PRICKLE1: variants seen among roughly 807,000 people sequenced by gnomAD.
PRICKLE1 encodes the protein prickle planar cell polarity protein 1.
A neutral mutation model predicts 70.2 loss-of-function variants in PRICKLE1; 14 were observed. That is an observed-to-expected ratio of 0.20 (90% CI 0.13 to 0.31). PRICKLE1 has a LOEUF of 0.31. PRICKLE1 is among the 10% of genes least tolerant of loss of function. PRICKLE1 has a pLI of 1.00. For missense variants in PRICKLE1, 821 were observed against 1,026.2 expected (o/e 0.80, Z 2.73); for synonymous variants, 357 against 379.9 (o/e 0.94, Z 0.70).
At chr12:42,561,985 C>T (rs1217939109) in intron 1 of PRICKLE1, among the ~76,000 whole-genome samples, 3 of 144,770 alleles carry the variant, frequency 2.1e-5, no homozygotes, top group Non-Finnish European at 4.5e-5. Flanking sequence ...GATCTCGGCT[C>T]ACTGAAATCT....
chr12:42,477,724 C>T (rs945551288), intron 1 of PRICKLE1, among the ~76,000 whole-genome samples: 12 of 151,570 alleles, frequency 7.9e-5, no homozygotes, highest in Non-Finnish European at 1.5e-5. Context: ...CATATGAGAC[C>T]ACAGGTAAAT....
chr12:42,574,349 T>C (rs1456388274), intron 1 of PRICKLE1, among the ~76,000 whole-genome samples: 1 of 152,182 alleles, frequency 6.6e-6, no homozygotes, highest in Non-Finnish European at 1.5e-5. Flanking sequence ...GAGAAAAGCA[T>C]TCAGCAACAA....
intron 1 of PRICKLE1, chr12:42,550,107 C>T (rs1434165916): frequency 6.6e-6 from 1 of 152,360 alleles, no homozygotes; most frequent in Non-Finnish European, 1.5e-5. Flanking sequence ...ACATTGCAAG[C>T]CCCTTGAAAT....
At chr12:42,468,952 G>T in intron 4 of PRICKLE1, 123 bp from the exon 5 acceptor site, 2 of 892,896 alleles carry the variant, frequency 2.2e-6, no homozygotes, top group Non-Finnish European at 3.6e-6. Context: ...ACCTCTTTTA[G>T]TGATTAAATA....
chr12:42,506,836 G>A (rs1939429470), intron 1 of PRICKLE1, among the ~76,000 whole-genome samples: 1 of 152,002 alleles, frequency 6.6e-6, no homozygotes, highest in Non-Finnish European at 1.5e-5. Flanking sequence ...CTCCTAAAGT[G>A]TTGGGATTAC....
At chr12:42,528,780 A>C (rs1016179933) in intron 1 of PRICKLE1, among the ~76,000 whole-genome samples, 3 of 152,230 alleles carry the variant, frequency 2.0e-5, no homozygotes, top group African/African-American at 7.2e-5. Context: ...GACTGAATGA[A>C]ATAAAGAAAA....
chr12:42,526,754 A>C lies in PRICKLE1; in HGVS notation c.-48-54190T>G, dbSNP rs557472504. On this transcript the variant is annotated intron_variant, in intron 1 of 7. Transcript: ENST00000345127. ...CCCCTTAAAAACACTCCTCTAAGCC[A>C]AAAAAAAAAAAAAAATGCTTAGAGG... is the stretch of plus-strand genomic sequence containing the variant. 3.8e-3 allele frequency among the ~76,000 whole-genome samples: 85 copies of C among 22,212 alleles called. No homozygotes were observed. In the East Asian group the frequency reaches 0.13, roughly 35 times the overall value. 14.6% of individuals were successfully genotyped at this position (22,212 alleles called of 152,430 possible).
chr12:42,580,075 A>T (rs1940873753), intron 1 of PRICKLE1, among the ~76,000 whole-genome samples: 1 of 151,982 alleles, frequency 6.6e-6, no homozygotes, highest in South Asian at 2.1e-4. Flanking sequence ...GGGTTTCACC[A>T]TGTTGGCCAG....
intron 1 of PRICKLE1, among the ~76,000 whole-genome samples, chr12:42,562,768 G>GA (rs922595629): frequency 4.6e-5 from 7 of 151,936 alleles, no homozygotes; most frequent in Non-Finnish European, 7.4e-5. Context: ...AGAAGGAAAA[G>GA]AAAAAAATTG....
chr12:42,547,284 G>A (rs984163930), intron 1 of PRICKLE1, among the ~76,000 whole-genome samples: 1 of 152,166 alleles, frequency 6.6e-6, no homozygotes, highest in East Asian at 1.9e-4. Flanking sequence ...ACAAAGGTTT[G>A]GGAGACAGAC....
At position 42,464,496 on chromosome 12, in the gene PRICKLE1, T is replaced by C; in HGVS notation, c.1538A>G (p.Glu513Gly). 1 of 1,614,074 alleles carries C rather than the reference T, an allele frequency of 6.2e-7. No individual in the cohort carries two copies. The highest frequency in any genetic ancestry group is 8.5e-7 in the Non-Finnish European group (1 of 1,180,032). ...CAGGGAATCTTCATACCACTGTGTTTCATCATGATTATACCCTGAAGCCCC... is the reference window on the plus strand; with the variant it reads ...CAGGGAATCTTCATACCACTGTGTTCCATCATGATTATACCCTGAAGCCCC... ...DHGASGYNHD[E>G]TQWYEDSLEC... Residue 513 changes from glutamate to glycine, a missense_variant, in exon 7 of 8, where the codon GAA becomes GGA. Transcript: ENST00000345127. This position sits in a 1 kb window ranked among gnomAD's most constrained non-coding sequence, Gnocchi z 4.2.
At chr12:42,548,902 G>A (rs1299147927) in intron 1 of PRICKLE1, among the ~76,000 whole-genome samples, 5 of 152,082 alleles carry the variant, frequency 3.3e-5, no homozygotes, top group African/African-American at 1.2e-4. Context: ...AGGTGGATCA[G>A]TTGAGGCCAG....
chr12:42,471,637 T>A (rs1938327088), intron 2 of PRICKLE1, among the ~76,000 whole-genome samples: 1 of 152,152 alleles, frequency 6.6e-6, no homozygotes, highest in East Asian at 1.9e-4. Context: ...CGTCCCACCC[T>A]ACAGGAAACA....
intron 1 of PRICKLE1, among the ~76,000 whole-genome samples, chr12:42,588,221 A>C (rs1941014923): frequency 6.6e-6 from 1 of 152,248 alleles, no homozygotes; most frequent in East Asian, 1.9e-4. Flanking sequence ...CTGTCTGAAA[A>C]GACAGATGGA....
intron 1 of PRICKLE1, among the ~76,000 whole-genome samples, chr12:42,557,399 C>T (rs897642836): frequency 1.8e-4 from 27 of 152,186 alleles, no homozygotes; most frequent in African/African-American, 9.6e-5. Context: ...TTTGGGAAAA[C>T]GCATTTCACA....
chr12:42,491,921 C>G (rs928024843), intron 1 of PRICKLE1, among the ~76,000 whole-genome samples: 1 of 151,334 alleles, frequency 6.6e-6, no homozygotes, highest in African/African-American at 2.4e-5. Flanking sequence ...GCAGCTGGGA[C>G]TACATGTGCC....
chr12:42,522,641 C>T (rs1796372), intron 1 of PRICKLE1, among the ~76,000 whole-genome samples: 139,779 of 152,284 alleles, frequency 0.92, 64,253 homozygotes, highest in East Asian at 1. Flanking sequence ...GTCACATTAA[C>T]GTACTTTTCC....
intron 1 of PRICKLE1, among the ~76,000 whole-genome samples, chr12:42,544,479 T>A (rs1457874308): frequency 6.6e-6 from 1 of 152,116 alleles, no homozygotes; most frequent in African/African-American, 2.4e-5. Context: ...TGAGGCAAAA[T>A]CTCCCCTACT....
At chr12:42,553,042 G>A (rs574573834) in intron 1 of PRICKLE1, among the ~76,000 whole-genome samples, 1 of 152,344 alleles carries the variant, frequency 6.6e-6, no homozygotes, top group African/African-American at 2.4e-5. Context: ...CTGCTGTGCG[G>A]CCCGGTTCCT....
Sources: gnomAD v4.1 joint callset for allele counts (sites outside exome capture counted in the v4.1 genomes callset) on GRCh38, gnomAD v4.1.1 for gene constraint, Gnocchi (gnomAD v3.1) non-coding constraint, MANE v1.5 for transcripts, NCBI Gene and HGNC (gene_info 2026-07-23, HGNC 2026-07-21) for gene names.